The following RPS2 variants were observed in gnomAD, a reference collection of about 807,000 sequenced individuals.
RPS2 encodes the protein small ribosomal subunit protein uS5.
RPS2 carries 8 observed loss-of-function variants against 25.3 expected under a neutral mutation model. The observed-to-expected ratio is 0.32, with a 90% CI of 0.19 to 0.57. The LOEUF (loss-of-function observed/expected upper bound fraction) is 0.57, where lower values mean the gene tolerates loss of function less well. Among genes scored for constraint, RPS2 ranks in the 20% least tolerant of loss-of-function variants. RPS2 has a pLI of 0.90. For synonymous variants in RPS2, 181 were observed against 161.3 expected, an observed-to-expected ratio of 1.12 and a Z score of -0.92; for missense variants, 229 against 408.1, an observed-to-expected ratio of 0.56 and a Z score of 3.78.
At chr16:1,962,703 C>CCACGGCAGGCCCATCACCTGCCA in intron 5 of RPS2, 33 bp downstream of exon 5, 1 of 1,588,108 alleles carries the variant, frequency 6.3e-7, no homozygotes, top group Non-Finnish European at 8.6e-7. Context: ...GGAGCCTGCC[C>CCACGGCAGGCCCATCACCTGCCA]CACGGCAGGC....
At position 1,962,218 on chromosome 16, in the gene RPS2, G is replaced by A. The variant is rs374773804; in HGVS notation, c.762C>T (p.Asp254=). 3.2e-4 allele frequency: 521 copies of A among 1,609,876 alleles called. 1 individual carries two copies. The highest frequency in any genetic ancestry group is 4.2e-4 in the Non-Finnish European group (490 of 1,179,172). Residue 254 remains aspartate (D), a synonymous_variant, in exon 7 of 7, where the codon GAC becomes GAT. Coordinates refer to ENST00000343262, the MANE Select transcript of RPS2 (RefSeq NM_002952.4). The part of the protein sequence containing the change: ...ISKTYSYLTP[D]LWKETVFTKS... ...TGGTGAATACAGTCTCCTTCCAGAG[G>A]TCGGGGGTCAGGTAGCTGTAGGTCT...
rs973295576 is a variant in RPS2, at chr16:1,964,799, G to T, written c.-4+8C>A. 19 of 543,914 alleles carry T rather than the reference G, an allele frequency of 3.5e-5. No individual in the cohort carries two copies. Among genetic ancestry groups the T allele is most frequent in the Non-Finnish European group, 5.1e-5 (16 of 313,186 alleles). 33.7% of individuals were successfully genotyped at this position (543,914 alleles called of 1,614,324 possible). A position where few individuals can be genotyped will look rare whatever the true frequency, so the allele number is the denominator to read the frequency against. ...CAGAGGCCCGCTGCAGCGACCAACA[G>T]GACTCACGTGTTTTGTCGGAAAAGA... On this transcript the variant is annotated splice_region_variant and intron_variant, in intron 1 of 6. Transcript: ENST00000343262.
Position 1,964,209 on chromosome 16 carries a change from T to C in RPS2, c.267+67A>G, listed in dbSNP as rs113400382. On this transcript the variant is annotated intron_variant, in intron 3 of 6. Transcript: ENST00000343262. ...AATGCGAGTCAATGGCAGATGCTAA[T>C]CCTCCAACCCCAGCCCAAATGACTC... The C allele has an allele frequency of 6.6e-5, 79 of 1,191,766 alleles. No homozygotes were observed. The East Asian group carries it at 1.8e-3, about 27-fold the overall frequency. 73.8% of individuals were successfully genotyped at this position (1,191,766 alleles called of 1,614,324 possible).
rs1725734089 is a variant in RPS2 at position 1,962,147 on chromosome 16, G to C, written c.833C>G (p.Thr278Ser). 1 of 1,591,334 alleles carries C rather than the reference G, an allele frequency of 6.3e-7. No individual in the cohort carries two copies. Among genetic ancestry groups the C allele is most frequent in the Non-Finnish European group, 8.5e-7 (1 of 1,175,412 alleles). Reference sequence around the variant, plus strand: ...CTGAGTCCGCTGCACGGAGACTCTGGTGTGGGTCTTGACGAGGTGGTCAGT... The same window carrying C: ...CTGAGTCCGCTGCACGGAGACTCTGCTGTGGGTCTTGACGAGGTGGTCAGT... ...EFTDHLVKTH[T>S]RVSVQRTQAP... The change falls in exon 7 of 7, where the codon ACC becomes AGC. Residue 278 changes from threonine to serine, a missense_variant. By Grantham distance (58) the Thr-to-Ser change is moderately conservative. Coordinates refer to ENST00000343262, the MANE Select transcript of RPS2 (RefSeq NM_002952.4).
In RPS2 at chr16:1,964,590, C is replaced by G. The variant is rs1141684; in HGVS notation, c.36G>C (p.Gly12=). ...TCCCCATCCCAGGGCCACCAGGGCC[C>G]CCGGGCCCCCCCGCTGCACCGGCGT... The part of the protein sequence containing the change: ...ADDAGAAGGP[G]GPGGPGMGNR... The change falls in exon 2 of 7, where the codon GGG becomes GGC. Residue 12 remains glycine (G), a synonymous_variant. Transcript: ENST00000343262. 1.3e-6 allele frequency: 2 copies of G among 1,540,660 alleles called. No individual in the cohort carries two copies. The highest frequency in any genetic ancestry group is 4.7e-5 in the East Asian group (2 of 42,486).
chr16:1,963,726 C>G (rs1052214236), intron 3 of RPS2: 1 of 443,788 alleles, frequency 2.3e-6, no homozygotes, highest in Non-Finnish European at 4.5e-6. Context: ...ATTTCTGCAT[C>G]TCAATCGTTT....
intron 4 of RPS2, 66 bp downstream of exon 4, chr16:1,963,083 G>C: frequency 7.1e-7 from 1 of 1,410,614 alleles, no homozygotes; most frequent in East Asian, 2.3e-5. Context: ...GAAGCCAAGT[G>C]CAACTATGCA....
rs1342660816 is a variant in RPS2 at position 1,964,705 on chromosome 16, C to A, written c.-3-77G>T. The A allele has an allele frequency of 8.4e-6, 7 of 833,192 alleles. No homozygotes were observed. The African/African-American group carries it at 1.1e-4, about 13-fold the overall frequency. The allele number at this position is 833,192 out of a possible 1,614,324, so 51.6% of individuals were successfully genotyped here. ...GCCCCCCGCGAGACCCAGACAAGGG[C>A]TCCCGCCCAGGAGCGCGGACTCGGG... is the stretch of plus-strand genomic sequence containing the variant. On this transcript the variant is annotated intron_variant, in intron 1 of 6. Coordinates refer to ENST00000343262, the MANE Select transcript of RPS2 (RefSeq NM_002952.4).
rs1056415734 is a variant in RPS2 at position 1,962,117 on chromosome 16, G to A, written c.863C>T (p.Pro288Leu). ...TRVSVQRTQA[P>L]AVATT ...AAAACCCTATGTTGTAGCCACAGCT[G>A]GAGCCTGAGTCCGCTGCACGGAGAC... The change falls in exon 7 of 7, where the codon CCA (proline) becomes CTA (leucine). Residue 288 changes from proline (P) to leucine (L), a missense_variant. Physicochemically the swap from Pro to Leu is moderately conservative, Grantham distance 98 (BLOSUM62 -3). Transcript: ENST00000343262. 2 of 1,568,108 alleles carry A rather than the reference G, an allele frequency of 1.3e-6. No individual in the cohort carries two copies.
intron 3 of RPS2, chr16:1,963,842 A>T (rs866254910): frequency 3.1e-5 from 14 of 448,638 alleles, no homozygotes; most frequent in African/African-American, 2.4e-4. Flanking sequence ...GTACCTTGCT[A>T]GGGCGAACGC....
At chr16:1,963,339 C>T (rs531424712) in intron 3 of RPS2, 83 bp from the exon 4 acceptor site, 20 of 912,382 alleles carry the variant, frequency 2.2e-5, no homozygotes, top group Admixed American at 1.3e-4. Context: ...AAGTCACGGC[C>T]GGGGGCGGTG....
Position 1,962,143 on chromosome 16 carries a change from T to C in RPS2, c.837A>G (p.Arg279=), listed in dbSNP as rs150236900. 83 of 1,587,136 alleles carry C rather than the reference T, an allele frequency of 5.2e-5. No homozygotes were observed. The highest frequency in any genetic ancestry group is 6.8e-5 in the Non-Finnish European group (80 of 1,174,150). ...GAGCCTGAGTCCGCTGCACGGAGAC[T>C]CTGGTGTGGGTCTTGACGAGGTGGT... ...FTDHLVKTHT[R]VSVQRTQAPA... Residue 279 remains arginine, a synonymous_variant, in exon 7 of 7, where the codon AGA becomes AGG. Transcript: ENST00000343262.
chr16:1,963,558 G>C, intron 3 of RPS2: 1 of 360,110 alleles, frequency 2.8e-6, no homozygotes, highest in South Asian at 2.2e-5. Context: ...GGAGGTTGCA[G>C]TGAGCCGAGA....
chr16:1,964,210 C>A, intron 3 of RPS2, 66 bp downstream of exon 3: 2 of 1,207,602 alleles, frequency 1.7e-6, no homozygotes, highest in East Asian at 4.7e-5. Flanking sequence ...AGATGCTAAT[C>A]CTCCAACCCC....
chr16:1,964,785 T>A (rs555716540), intron 1 of RPS2, 22 bp downstream of exon 1: 3 of 551,454 alleles, frequency 5.4e-6, no homozygotes, highest in African/African-American at 2.0e-5. Context: ...AGAGGCCCGC[T>A]GCAGCGACCA....
chr16:1,963,599 G>C (rs1818550641), intron 3 of RPS2: 4 of 348,330 alleles, frequency 1.1e-5, no homozygotes, highest in South Asian at 8.7e-5. Flanking sequence ...GGGCGAAACT[G>C]TGTAACCGCC....
At chr16:1,964,080 G>C (rs535855422) in intron 3 of RPS2, 196 bp downstream of exon 3, 2 of 590,284 alleles carry the variant, frequency 3.4e-6, no homozygotes, top group South Asian at 2.1e-5. Flanking sequence ...TGCCTTTTGT[G>C]GCTCTGGCTT....
intron 5 of RPS2, 29 bp downstream of exon 5, chr16:1,962,707 G>C (rs144474496): frequency 2.5e-6 from 4 of 1,589,312 alleles, no homozygotes; most frequent in Non-Finnish European, 2.6e-6. Context: ...CCTGCCCCAC[G>C]GCAGGCCCAT....
intron 3 of RPS2, chr16:1,963,723 C>T (rs1227698183): frequency 2.3e-6 from 1 of 441,498 alleles, no homozygotes; most frequent in African/African-American, 2.0e-5. Context: ...CCTATTTCTG[C>T]ATCTCAATCG....
Sources: gnomAD v4.1 joint callset for allele counts on GRCh38, gnomAD v4.1.1 for gene constraint, MANE v1.5 for transcripts, NCBI Gene and HGNC (gene_info 2026-07-23, HGNC 2026-07-21) for gene names.